DIAPH2: variants seen among roughly 807,000 people sequenced by gnomAD.
DIAPH2 encodes protein diaphanous homolog 2.
In DIAPH2, 35 loss-of-function variants were observed where a neutral mutation model predicts 92.7. The observed-to-expected ratio is 0.38, with a 90% CI of 0.29 to 0.50. The LOEUF is 0.50. DIAPH2 is among the 20% of genes least tolerant of loss of function. The pLI is 0.94. For missense variants in DIAPH2, 701 were observed against 819.5 expected, an observed-to-expected ratio of 0.86 and a Z score of 1.77; for synonymous variants, 301 against 280.4, an observed-to-expected ratio of 1.07 and a Z score of -0.73.
At chrX:96,962,422 TATATATAC>T (rs1383386216) in intron 16 of DIAPH2, among the ~76,000 whole-genome samples, 9 of 76,552 alleles carry the variant, frequency 1.2e-4, no homozygotes, top group Non-Finnish European at 1.6e-4. Flanking sequence ...TATATACACA[TATATATAC>T]ATATATATAT....
At chrX:96,905,136 C>T (rs933630058) in intron 5 of DIAPH2, among the ~76,000 whole-genome samples, 2 of 111,473 alleles carry the variant, frequency 1.8e-5, no homozygotes, top group Non-Finnish European at 3.8e-5. Flanking sequence ...AGACCAATTG[C>T]CTTTACAGCT....
At chrX:97,461,162 C>T (rs1302509296) in intron 26 of DIAPH2, among the ~76,000 whole-genome samples, 3 of 110,296 alleles carry the variant, frequency 2.7e-5, no homozygotes, top group Non-Finnish European at 5.7e-5. Context: ...TGAGGGAACT[C>T]GTGTCAGTCT....
At chrX:96,879,901 G>T (rs1446247567) in intron 4 of DIAPH2, among the ~76,000 whole-genome samples, 1 of 110,751 alleles carries the variant, frequency 9.0e-6, no homozygotes, top group African/African-American at 3.3e-5. Context: ...GCTAATTTTT[G>T]TATTTTTAGT....
intron 26 of DIAPH2, among the ~76,000 whole-genome samples, chrX:97,440,142 AC>A (rs1320157610): frequency 9.0e-6 from 1 of 111,586 alleles, no homozygotes; most frequent in Non-Finnish European, 1.9e-5. Flanking sequence ...TCTAGGAAAT[AC>A]CCACGTCCAG....
At chrX:96,836,718 T>TATATATATATATATATATA (rs58380012) in intron 4 of DIAPH2, among the ~76,000 whole-genome samples, 3 of 15,352 alleles carry the variant, frequency 2.0e-4, no homozygotes, top group African/African-American at 9.0e-4. Context: ...TATATATATA[T>TATATATATATATATATATA]TTTTTTTTTT....
intron 24 of DIAPH2, among the ~76,000 whole-genome samples, chrX:97,351,360 A>G (rs1362746685): frequency 8.9e-6 from 1 of 112,408 alleles, no homozygotes; most frequent in African/African-American, 3.2e-5. Flanking sequence ...GTCACAGATA[A>G]AAGGAAGAGA....
At chrX:97,227,066 T>C (rs1569334977) in intron 22 of DIAPH2, among the ~76,000 whole-genome samples, 1 of 109,477 alleles carries the variant, frequency 9.1e-6, no homozygotes, top group Non-Finnish European at 1.9e-5. Context: ...AGGTCAGGAG[T>C]TTAAGACCAG....
intron 26 of DIAPH2, among the ~76,000 whole-genome samples, chrX:97,441,440 A>G (rs773821604): frequency 9.0e-6 from 1 of 111,693 alleles, no homozygotes; most frequent in East Asian, 2.8e-4. Context: ...CTTCATATGA[A>G]TCTTCTGATG....
chrX:97,180,936 C>T (rs1253585061), intron 22 of DIAPH2, among the ~76,000 whole-genome samples: 1 of 111,721 alleles, frequency 9.0e-6, no homozygotes, highest in South Asian at 3.8e-4. Flanking sequence ...AGTCAGGTAC[C>T]ATGATGCTTC....
chrX:96,989,588 G>T (rs1020093375), intron 17 of DIAPH2, among the ~76,000 whole-genome samples: 1 of 111,823 alleles, frequency 8.9e-6, no homozygotes, highest in African/African-American at 3.2e-5. Context: ...AAGTGTTGGA[G>T]AATTGCATTC....
chrX:96,994,846 C>T (rs779114268), intron 17 of DIAPH2, among the ~76,000 whole-genome samples: 1 of 111,246 alleles, frequency 9.0e-6, no homozygotes, highest in South Asian at 3.9e-4. Context: ...GGTGAAACTG[C>T]CCCCATGATT....
chrX:96,980,322 A>C (rs190161775), intron 17 of DIAPH2, among the ~76,000 whole-genome samples: 4,456 of 111,147 alleles, frequency 0.04, 106 homozygotes, highest in Middle Eastern at 0.083. Context: ...TGTCCCCTGA[A>C]GTCCAGCTGT....
At chrX:97,334,168 C>G (rs2069027003) in intron 23 of DIAPH2, among the ~76,000 whole-genome samples, 1 of 110,213 alleles carries the variant, frequency 9.1e-6, no homozygotes, top group African/African-American at 3.3e-5. Flanking sequence ...CTTAACAGTT[C>G]TAGATACATT....
chrX:97,122,862 C>G (rs2067067289), intron 21 of DIAPH2, among the ~76,000 whole-genome samples: 1 of 111,042 alleles, frequency 9.0e-6, no homozygotes, highest in South Asian at 3.8e-4. Flanking sequence ...GTGATCTCTC[C>G]TAGTCACTGG....
chrX:97,495,566 A>T (rs934467745), intron 26 of DIAPH2, among the ~76,000 whole-genome samples: 31 of 111,707 alleles, frequency 2.8e-4, no homozygotes, highest in Non-Finnish European at 1.7e-4. Context: ...TAAAATCAAA[A>T]ACCCCTTATA....
At chrX:97,479,433 A>G (rs1309270749) in intron 26 of DIAPH2, among the ~76,000 whole-genome samples, 4 of 112,509 alleles carry the variant, frequency 3.6e-5, no homozygotes, top group Non-Finnish European at 7.5e-5. Context: ...CATCTACTCC[A>G]GAATTGCTTT....
chrX:97,258,889 A>AC (rs1423487122), intron 23 of DIAPH2, among the ~76,000 whole-genome samples: 167 of 102,051 alleles, frequency 1.6e-3, no homozygotes, highest in African/African-American at 6.0e-3. Flanking sequence ...AAAAAAAAAA[A>AC]AACAACAACA....
At position 96,916,528 on chromosome X, in the gene DIAPH2, A is replaced by T. The variant is rs2065505873; in HGVS notation, c.823A>T (p.Ile275Leu). Residue 275 changes from isoleucine (I) to leucine (L), a missense_variant, in exon 8 of 27, where the codon ATA becomes TTA. Physicochemically the swap from Ile to Leu is conservative, Grantham distance 5 (BLOSUM62 2). Around this residue, in one of 3 missense-constraint regions of DIAPH2, gnomAD observed 34 missense variants for 74.7 expected, o/e 0.46. Transcript: ENST00000324765. ...DPKQPNMMTE[I>L]VKILSAICIV... is the part of the protein sequence containing the mutation. ...CAAACAACCCAACATGATGACTGAA[A>T]TAGTAAAAATACTTTCTGCTATTTG... 8.3e-7 allele frequency: 1 copy of T among 1,202,212 alleles called. No individual in the cohort carries two copies.
At chrX:96,763,659 G>A (rs765238056) in intron 4 of DIAPH2, among the ~76,000 whole-genome samples, 2 of 111,630 alleles carry the variant, frequency 1.8e-5, no homozygotes, top group Non-Finnish European at 3.8e-5. Context: ...TGGATAAATT[G>A]AAATGATTAG....
Sources: gnomAD v4.1 joint callset for allele counts (sites outside exome capture counted in the v4.1 genomes callset) on GRCh38, gnomAD v4.1.1 for gene constraint, gnomAD v4.1.1 regional missense constraint, MANE v1.5 for transcripts, NCBI Gene and HGNC (gene_info 2026-07-23, HGNC 2026-07-21) for gene names.